The following RABGAP1L variants were observed in gnomAD, a reference collection of about 807,000 sequenced individuals.
The protein encoded by RABGAP1L is rab GTPase-activating protein 1-like.
A neutral mutation model predicts 137.7 loss-of-function variants in RABGAP1L; 63 were observed. The ratio of observed to expected loss-of-function variants is 0.46; its 90% CI spans 0.37 to 0.56. The LOEUF is 0.56. Among genes scored for constraint, RABGAP1L ranks in the 20% least tolerant of loss-of-function variants. The pLI is 0.00. For synonymous variants in RABGAP1L, 431 were observed against 433.7 expected, an observed-to-expected ratio of 0.99 and a Z score of 0.08; for missense variants, 1,095 against 1,244.0, an observed-to-expected ratio of 0.88 and a Z score of 1.80.
chr1:174,307,528 A>T (rs943765869), intron 11 of RABGAP1L, among the ~76,000 whole-genome samples: 3 of 152,112 alleles, frequency 2.0e-5, no homozygotes, highest in Admixed American at 1.3e-4. Flanking sequence ...CCTATTTTGC[A>T]TAATTCATAT....
intron 19 of RABGAP1L, among the ~76,000 whole-genome samples, chr1:174,851,301 G>A (rs1311832520): frequency 6.6e-6 from 1 of 152,182 alleles, no homozygotes; most frequent in Non-Finnish European, 1.5e-5. Context: ...GGTGTGATGG[G>A]TAGTGCCAAA....
intron 13 of RABGAP1L, among the ~76,000 whole-genome samples, chr1:174,417,488 A>C (rs895988107): frequency 5.9e-5 from 9 of 152,212 alleles, no homozygotes; most frequent in Non-Finnish European, 1.2e-4. Context: ...ACAAAGGAAG[A>C]AACTTATTAA....
chr1:174,916,054 G>A lies in RABGAP1L; in HGVS notation c.2341-41403G>A, dbSNP rs1228297636. Among the ~76,000 whole-genome samples the A allele has an allele frequency of 2.1e-5, 3 of 144,322 alleles. No homozygotes were observed. The South Asian group carries it at 6.6e-4, about 32-fold the overall frequency. The allele number at this position is 144,322 out of a possible 152,430, so 94.7% of individuals were successfully genotyped here. ...TTATAGTTTTCACTGTTATATTTAA[G>A]TCTATAATAAATTTTTCTTTAGTTT... On this transcript the variant is annotated intron_variant, in intron 19 of 25. Transcript: ENST00000681986.
At chr1:174,200,118 T>C (rs1230130802) in intron 1 of RABGAP1L, among the ~76,000 whole-genome samples, 1 of 152,232 alleles carries the variant, frequency 6.6e-6, no homozygotes, top group East Asian at 1.9e-4. Flanking sequence ...CTGAGATGTC[T>C]TTTTCTTCCA....
At chr1:174,654,847 C>G (rs1168444992) in intron 14 of RABGAP1L, among the ~76,000 whole-genome samples, 1 of 152,064 alleles carries the variant, frequency 6.6e-6, no homozygotes, top group Admixed American at 6.5e-5. Flanking sequence ...TTTATTGTCT[C>G]CAGTGTTTAT....
intron 13 of RABGAP1L, among the ~76,000 whole-genome samples, chr1:174,444,107 G>A (rs575908960): frequency 6.6e-6 from 1 of 152,054 alleles, no homozygotes; most frequent in East Asian, 1.9e-4. Flanking sequence ...GTCAGGTAGA[G>A]TGATGCCTCT....
At chr1:174,645,277 G>T (rs1674870017) in intron 14 of RABGAP1L, among the ~76,000 whole-genome samples, 1 of 151,944 alleles carries the variant, frequency 6.6e-6, no homozygotes. Context: ...TGGGATATGT[G>T]TGCAGAGCAT....
chr1:174,982,309 GGT>G (rs1369576033), intron 23 of RABGAP1L, among the ~76,000 whole-genome samples: 1 of 151,866 alleles, frequency 6.6e-6, no homozygotes, highest in East Asian at 1.9e-4. Flanking sequence ...ACCAGGCCGC[GGT>G]GTGTGATGTT....
At chr1:174,877,924 A>G (rs886196401) in intron 19 of RABGAP1L, among the ~76,000 whole-genome samples, 2 of 152,230 alleles carry the variant, frequency 1.3e-5, no homozygotes, top group Non-Finnish European at 1.5e-5. Context: ...ATTGAGGCTC[A>G]TAGAAGTGTA....
rs148110602 is a variant in RABGAP1L at position 174,410,546 on chromosome 1, G to T, written c.1710+16401G>T. 4.6e-5 allele frequency among the ~76,000 whole-genome samples: 7 copies of T among 152,256 alleles called. 1 individual carries two copies. In the East Asian group the frequency reaches 1.4e-3, roughly 29 times the overall value. ...TTTTTGTTGACTTTGTTGAGGATCAGATGGCTGTAGGTGTGTGGCTTTATT... is the reference window on the plus strand; with the variant it reads ...TTTTTGTTGACTTTGTTGAGGATCATATGGCTGTAGGTGTGTGGCTTTATT... On this transcript the variant is annotated intron_variant, in intron 13 of 25. Transcript: ENST00000681986.
intron 11 of RABGAP1L, among the ~76,000 whole-genome samples, chr1:174,343,027 C>T (rs1682115992): frequency 6.6e-6 from 1 of 152,226 alleles, no homozygotes; most frequent in African/African-American, 2.4e-5. Flanking sequence ...GCATGAGCCA[C>T]TGCACCTAGC....
intron 10 of RABGAP1L, among the ~76,000 whole-genome samples, chr1:174,290,431 A>G (rs952283193): frequency 2.0e-5 from 3 of 152,196 alleles, no homozygotes; most frequent in African/African-American, 7.2e-5. Context: ...GGCCTGGGGT[A>G]GTGGCAACAT....
chr1:174,311,804 G>A (rs1378469499), intron 11 of RABGAP1L, among the ~76,000 whole-genome samples: 1 of 151,972 alleles, frequency 6.6e-6, no homozygotes, highest in African/African-American at 2.4e-5. Flanking sequence ...ACAGGGTTTC[G>A]CCGTGTTGGC....
At chr1:174,227,704 T>A (rs1294096572) in intron 3 of RABGAP1L, among the ~76,000 whole-genome samples, 2 of 152,194 alleles carry the variant, frequency 1.3e-5, no homozygotes, top group African/African-American at 2.4e-5. Flanking sequence ...CTGGAGTTTA[T>A]AACTCAAGTC....
chr1:174,267,909 TTA>T (rs1285406671), intron 7 of RABGAP1L, among the ~76,000 whole-genome samples: 1 of 152,208 alleles, frequency 6.6e-6, no homozygotes, highest in African/African-American at 2.4e-5. Context: ...GCAGTTTTGC[TTA>T]TATGGTTATT....
intron 13 of RABGAP1L, among the ~76,000 whole-genome samples, chr1:174,465,265 T>G (rs1046103887): frequency 6.6e-6 from 1 of 152,202 alleles, no homozygotes; most frequent in Non-Finnish European, 1.5e-5. Context: ...AATGGTGTGA[T>G]CTCAGCTCAC....
At chr1:174,623,508 A>C (rs1292281923) in intron 13 of RABGAP1L, among the ~76,000 whole-genome samples, 1 of 152,210 alleles carries the variant, frequency 6.6e-6, no homozygotes, top group East Asian at 1.9e-4. Context: ...CAGCCAAGGG[A>C]AGAAACACAA....
At chr1:174,630,760 G>A (rs1011891040) in intron 13 of RABGAP1L, among the ~76,000 whole-genome samples, 3 of 146,080 alleles carry the variant, frequency 2.1e-5, no homozygotes, top group African/African-American at 2.5e-5. Flanking sequence ...ATTTTTTATT[G>A]CATCTATTTG....
chr1:174,586,162 G>A (rs1557871930), intron 13 of RABGAP1L, among the ~76,000 whole-genome samples: 1 of 152,078 alleles, frequency 6.6e-6, no homozygotes, highest in Admixed American at 6.6e-5. Context: ...AAGAAAATGT[G>A]ATACATATAC....
Sources: gnomAD v4.1 joint callset for allele counts (sites outside exome capture counted in the v4.1 genomes callset) on GRCh38, gnomAD v4.1.1 for gene constraint, MANE v1.5 for transcripts, NCBI Gene and HGNC (gene_info 2026-07-23, HGNC 2026-07-21) for gene names.